TG: variants seen among roughly 807,000 people sequenced by gnomAD.
TG encodes thyroid hormones.
TG carries 270 observed loss-of-function variants against 324.7 expected under a neutral mutation model. That is an observed-to-expected ratio of 0.83 (90% CI 0.75 to 0.92). TG has a LOEUF of 0.92. Among genes scored for constraint, TG ranks in the 40% least tolerant of loss-of-function variants. The pLI, the probability that TG is intolerant of heterozygous loss-of-function variation, is 0.00. For missense variants in TG, 3,591 were observed against 3,456.4 expected, an observed-to-expected ratio of 1.04 and a Z score of -0.98; for synonymous variants, 1,401 against 1,327.0, an observed-to-expected ratio of 1.06 and a Z score of -1.21.
intron 20 of TG, 24 bp from the exon 21 acceptor site, chr8:132,919,352 C>A: frequency 6.2e-7 from 1 of 1,611,638 alleles, no homozygotes; most frequent in Non-Finnish European, 8.5e-7. Flanking sequence ...TGATTTTTAA[C>A]ATCATTTCTC....
At chr8:133,000,786 C>T (rs1833399892) in intron 35 of TG, among the ~76,000 whole-genome samples, 1 of 152,290 alleles carries the variant, frequency 6.6e-6, no homozygotes, top group Non-Finnish European at 1.5e-5. Context: ...CAGAGCAGGC[C>T]CTCTGTAAAT....
intron 2 of TG, 58 bp downstream of exon 2, chr8:132,868,281 G>T (rs564723644): frequency 2.7e-6 from 4 of 1,496,960 alleles, no homozygotes; most frequent in Non-Finnish European, 3.7e-6. Context: ...AAAGCATCTT[G>T]TGCCTTCCCC....
chr8:132,978,591 G>T (rs576972176), intron 34 of TG, among the ~76,000 whole-genome samples: 5 of 152,276 alleles, frequency 3.3e-5, no homozygotes, highest in East Asian at 1.9e-4. Flanking sequence ...TAGGGTGTTG[G>T]GGGTGCTTCT....
At chr8:132,891,162 A>G (rs1159558796) in intron 10 of TG, among the ~76,000 whole-genome samples, 1 of 152,140 alleles carries the variant, frequency 6.6e-6, no homozygotes, top group Non-Finnish European at 1.5e-5. Context: ...AACTACTGGG[A>G]TGATTCTTGA....
chr8:133,026,757 C>G (rs1464003853), intron 40 of TG, among the ~76,000 whole-genome samples: 1 of 152,218 alleles, frequency 6.6e-6, no homozygotes, highest in Non-Finnish European at 1.5e-5. Flanking sequence ...CTGCTCTCCT[C>G]TCTACCCAAA....
chr8:132,906,587 AG>A, intron 16 of TG, 100 bp from the exon 17 acceptor site: 1 of 1,347,542 alleles, frequency 7.4e-7, no homozygotes, highest in Non-Finnish European at 1.0e-6. Flanking sequence ...GGAGAGGAGG[AG>A]GGCCCAGTGT....
Position 132,953,556 on chromosome 8 carries a change from G to A in TG, c.5401+4613G>A, listed in dbSNP as rs118157762. ...CTTCATTCAGGTCACTTGCCACACA[G>A]AAGTTAGGACTGACTTCTAATACCA... On this transcript the variant is annotated intron_variant, in intron 27 of 47. Transcript: ENST00000220616. Among the ~76,000 whole-genome samples, 954 of 152,290 alleles carry A rather than the reference G, an allele frequency of 6.3e-3. 6 individuals are homozygous for A. The highest frequency in any genetic ancestry group is 0.011 in the Non-Finnish European group (749 of 68,018).
chr8:132,957,578 T>G (rs575765256), intron 27 of TG, among the ~76,000 whole-genome samples: 1 of 152,114 alleles, frequency 6.6e-6, no homozygotes. Flanking sequence ...TCACCACCAA[T>G]TCACCGCAAG....
chr8:133,134,646 G>T, intron 47 of TG, 30 bp from the exon 48 acceptor site: 2 of 1,599,758 alleles, frequency 1.3e-6, no homozygotes, highest in Non-Finnish European at 1.7e-6. Context: ...AATCTGGCTT[G>T]GACCAACCTT....
chr8:132,988,340 T>C (rs184872956), intron 35 of TG, among the ~76,000 whole-genome samples: 1 of 152,092 alleles, frequency 6.6e-6, no homozygotes, highest in African/African-American at 2.4e-5. Flanking sequence ...GGGCACTGCA[T>C]GTGTGGAAGC....
At chr8:132,980,843 C>T (rs1316721510) in intron 34 of TG, among the ~76,000 whole-genome samples, 1 of 152,074 alleles carries the variant, frequency 6.6e-6, no homozygotes, top group Non-Finnish European at 1.5e-5. Flanking sequence ...GCTCTTACTC[C>T]CACCTAATCA....
chr8:132,893,372 A>G (rs116752563), intron 10 of TG, among the ~76,000 whole-genome samples: 3,943 of 97,238 alleles, frequency 0.041, 181 homozygotes, highest in East Asian at 0.12. Flanking sequence ...TCTGTGGTGT[A>G]TATGTGTGTA....
chr8:132,882,765 C>A (rs1814829821), intron 7 of TG, 49 bp from the exon 8 acceptor site: 4 of 1,613,114 alleles, frequency 2.5e-6, no homozygotes, highest in Non-Finnish European at 3.4e-6. Flanking sequence ...GCTGTGAAGA[C>A]ACCAAGCATT....
At position 133,040,296 on chromosome 8, in the gene TG, G is replaced by A. The variant is rs974097474; in HGVS notation, c.7239+10273G>A. ...AGGTGGTGACAATGCTGAAAGTCAC[G>A]CGCCCAGCTGTTTGAGAAATGTAAG... On this transcript the variant is annotated intron_variant, in intron 41 of 47. Coordinates refer to ENST00000220616, the MANE Select transcript of TG (RefSeq NM_003235.5). The A allele has an allele frequency of 4.9e-5, 34 of 698,102 alleles. No individual in the cohort carries two copies. In the Middle Eastern group the frequency reaches 1.6e-3, roughly 33 times the overall value. The allele number at this position is 698,102 out of a possible 1,614,324, so 43.2% of individuals were successfully genotyped here. A position where few individuals can be genotyped will look rare whatever the true frequency, so the allele number is the denominator to read the frequency against.
chr8:132,996,247 A>G (rs1156920153), intron 35 of TG, among the ~76,000 whole-genome samples: 1 of 152,252 alleles, frequency 6.6e-6, no homozygotes, highest in Non-Finnish European at 1.5e-5. Flanking sequence ...CACCACGTAG[A>G]GGTGAGATTT....
chr8:133,111,449 A>G (rs781377050), intron 43 of TG, among the ~76,000 whole-genome samples: 3 of 152,250 alleles, frequency 2.0e-5, no homozygotes, highest in Non-Finnish European at 4.4e-5. Flanking sequence ...CCAGTGGGTT[A>G]CTAATATCAT....
chr8:132,996,560 A>G (rs1293292709), intron 35 of TG, among the ~76,000 whole-genome samples: 1 of 152,062 alleles, frequency 6.6e-6, no homozygotes, highest in Non-Finnish European at 1.5e-5. Context: ...GCTTGCTATT[A>G]TAGGTCTTGG....
intron 5 of TG, among the ~76,000 whole-genome samples, chr8:132,877,887 T>C (rs1380830493): frequency 1.3e-5 from 2 of 152,234 alleles, no homozygotes; most frequent in Admixed American, 1.3e-4. Flanking sequence ...CAAAATATGG[T>C]ATTTTTCAAT....
Position 132,963,447 on chromosome 8 carries a change from A to G in TG, c.5548+373A>G, listed in dbSNP as rs569369163. Reference sequence around the variant, plus strand: ...TAAATATTCTGAAATTGTTTCATGAATGACATGTCTGTGAGAATCTTTTGC... The same window carrying G: ...TAAATATTCTGAAATTGTTTCATGAGTGACATGTCTGTGAGAATCTTTTGC... On this transcript the variant is annotated intron_variant, in intron 29 of 47. Coordinates refer to ENST00000220616, the MANE Select transcript of TG (RefSeq NM_003235.5). Among the ~76,000 whole-genome samples the G allele has an allele frequency of 3.9e-4, 59 of 152,366 alleles. 1 individual carries two copies. The highest frequency in any genetic ancestry group is 1.4e-3 in the African/African-American group (57 of 41,592).
Sources: gnomAD v4.1 joint callset for allele counts (sites outside exome capture counted in the v4.1 genomes callset) on GRCh38, gnomAD v4.1.1 for gene constraint, MANE v1.5 for transcripts, NCBI Gene and HGNC (gene_info 2026-07-23, HGNC 2026-07-21) for gene names.